Variants in HUS1 observed in about 807,000 individuals in gnomAD.
HUS1 encodes the protein HUS1 checkpoint clamp component.
A neutral mutation model predicts 32.6 loss-of-function variants in HUS1; 31 were observed. That is an observed-to-expected ratio of 0.95 (90% CI 0.72 to 1.28). HUS1 has a LOEUF of 1.28. HUS1 is among the 50% of genes most tolerant of loss of function. The pLI is 0.00. For missense variants in HUS1, 340 were observed against 337.7 expected (o/e 1.01, Z -0.05); for synonymous variants, 123 against 116.6 (o/e 1.06, Z -0.36).
chr7:47,978,612 G>T lies in HUS1; in HGVS notation c.181-19C>A. 5 of 1,613,260 alleles carry T rather than the reference G, an allele frequency of 3.1e-6. No homozygotes were observed. Among genetic ancestry groups the T allele is most frequent in the Non-Finnish European group, 4.2e-6 (5 of 1,179,216 alleles). On this transcript the variant is annotated intron_variant, in intron 2 of 7. Transcript: ENST00000258774. ...AGTTCTCCTAAGGGAAAAAAAATGA[G>T]GGATGAGGGAGGGTATATGTGATCT...
At chr7:47,973,402 G>A (rs1022678466) in intron 5 of HUS1, among the ~76,000 whole-genome samples, 3 of 152,190 alleles carry the variant, frequency 2.0e-5, no homozygotes, top group African/African-American at 7.2e-5. Context: ...GATTCCAGGG[G>A]ATTCACACGC....
At chr7:47,971,610 A>G (rs1200769132) in intron 5 of HUS1, 1 of 454,634 alleles carries the variant, frequency 2.2e-6, no homozygotes, top group African/African-American at 2.0e-5. Flanking sequence ...CTCCTAAAAG[A>G]ACCAGTACCT....
intron 3 of HUS1, among the ~76,000 whole-genome samples, chr7:47,977,974 G>T (rs1788741543): frequency 6.6e-6 from 1 of 152,204 alleles, no homozygotes; most frequent in South Asian, 2.1e-4. Context: ...TTGTGTATTT[G>T]TGTGTTTGGA....
intron 5 of HUS1, 111 bp downstream of exon 5, chr7:47,975,502 G>A: frequency 1.4e-6 from 1 of 713,420 alleles, no homozygotes; most frequent in Non-Finnish European, 2.5e-6. Context: ...TCATAAGTGG[G>A]AACTCGGTTA....
chr7:47,965,284 G>T lies in HUS1; in HGVS notation c.*72C>A. ...CGGTGCTGTGAGGGCACAGACCAGTGATCAGAACACAACACCTGCGGCCTC... is the reference window on the plus strand; with the variant it reads ...CGGTGCTGTGAGGGCACAGACCAGTTATCAGAACACAACACCTGCGGCCTC... On this transcript the variant is annotated 3_prime_UTR_variant, in exon 8 of 8. Transcript: ENST00000258774. 1 of 953,484 alleles carries T rather than the reference G, an allele frequency of 1.0e-6. No homozygotes were observed. The highest frequency in any genetic ancestry group is 2.4e-5 in the East Asian group (1 of 41,758). 59.1% of individuals were successfully genotyped at this position (953,484 alleles called of 1,614,324 possible).
Position 47,970,963 on chromosome 7 carries a change from T to A in HUS1, c.541-1645A>T, listed in dbSNP as rs184210604. On this transcript the variant is annotated intron_variant, in intron 5 of 7. Transcript: ENST00000258774. ...AGGCTTTTAATAACCAAAAAAATCA[T>A]TGGAGAAGTTACAGCATAAACAGTG... 2.0e-4 allele frequency among the ~76,000 whole-genome samples: 30 copies of A among 152,296 alleles called. No homozygotes were observed. In the Middle Eastern group the frequency reaches 0.01, roughly 52 times the overall value.
chr7:47,976,241 A>C (rs1788701294), intron 4 of HUS1: 1 of 412,494 alleles, frequency 2.4e-6, no homozygotes. Flanking sequence ...CTTTCTTCTT[A>C]AACAAATTGT....
Position 47,978,696 on chromosome 7 carries a change from A to G in HUS1, c.173T>C (p.Leu58Pro). 6.2e-7 allele frequency: 1 copy of G among 1,614,162 alleles called. No individual in the cohort carries two copies. The highest frequency in any genetic ancestry group is 8.5e-7 in the Non-Finnish European group (1 of 1,179,998). Reference sequence around the variant, plus strand: ...TCAGAAGCTTTTGCTCACCTGTTCCAGCTCACACCACATGCTCACTCCTCC... The same window carrying G: ...TCAGAAGCTTTTGCTCACCTGTTCCGGCTCACACCACATGCTCACTCCTCC... ...ANGGVSMWCE[L>P]EQENFFNEFQ... The change falls in exon 2 of 8, where the codon CTG becomes CCG. Residue 58 changes from leucine (L) to proline (P), a missense_variant. Physicochemically the swap from Leu to Pro is moderately conservative, Grantham distance 98. Transcript: ENST00000258774.
intron 5 of HUS1, among the ~76,000 whole-genome samples, chr7:47,969,926 T>G (rs1381977495): frequency 6.6e-6 from 1 of 152,098 alleles, no homozygotes; most frequent in African/African-American, 2.4e-5. Flanking sequence ...ACAATGAAAC[T>G]TCCTCCTAAA....
At chr7:47,974,720 A>T (rs1443160359) in intron 5 of HUS1, among the ~76,000 whole-genome samples, 1 of 152,194 alleles carries the variant, frequency 6.6e-6, no homozygotes, top group East Asian at 1.9e-4. Flanking sequence ...GGAAGAATTC[A>T]CAATAACCCC....
intron 5 of HUS1, among the ~76,000 whole-genome samples, chr7:47,970,693 C>A (rs1357611958): frequency 6.6e-6 from 1 of 152,178 alleles, no homozygotes; most frequent in Non-Finnish European, 1.5e-5. Context: ...GGAAAACTGA[C>A]CCCGGATGGT....
chr7:47,963,539 G>A lies in HUS1; in HGVS notation c.*1817C>T, dbSNP rs988116836. On this transcript the variant is annotated 3_prime_UTR_variant, in exon 8 of 8. Transcript: ENST00000258774. ...AATTAATTTCGTTACAATGAGAGGAGGAAGGGTTTAAAAATTAAAACGGTG... is the reference window on the plus strand; with the variant it reads ...AATTAATTTCGTTACAATGAGAGGAAGAAGGGTTTAAAAATTAAAACGGTG... The A allele has an allele frequency of 2.0e-5, 3 of 152,186 alleles. No homozygotes were observed. The highest frequency in any genetic ancestry group is 7.2e-5 in the African/African-American group (3 of 41,434). The allele number at this position is 152,186 out of a possible 1,614,324, so 9.4% of individuals were successfully genotyped here.
At chr7:47,969,391 TCACA>T in intron 5 of HUS1, 73 bp from the exon 6 acceptor site, 1 of 772,662 alleles carries the variant, frequency 1.3e-6, no homozygotes, top group Non-Finnish European at 2.2e-6. Flanking sequence ...GCAACAGCTT[TCACA>T]CAACCAGATG....
At chr7:47,966,781 C>T (rs1029466989) in intron 7 of HUS1, among the ~76,000 whole-genome samples, 4 of 152,184 alleles carry the variant, frequency 2.6e-5, no homozygotes, top group Admixed American at 6.5e-5. Flanking sequence ...AATATGACAT[C>T]GTCCATGTCA....
At position 47,967,756 on chromosome 7, in the gene HUS1, T is replaced by A. The variant is rs532217502; in HGVS notation, c.760+50A>T. The A allele has an allele frequency of 6.4e-6, 10 of 1,550,726 alleles. 1 individual carries two copies. In the South Asian group the frequency reaches 1.1e-4, roughly 17 times the overall value. On this transcript the variant is annotated intron_variant, in intron 7 of 7. Transcript: ENST00000258774. Reference sequence around the variant, plus strand: ...TCTGTTAGACTAGAGTTGACTGCAGTATTTAGAATATGAAAGAATATGAAA... The same window carrying A: ...TCTGTTAGACTAGAGTTGACTGCAGAATTTAGAATATGAAAGAATATGAAA...
intron 6 of HUS1, 61 bp from the exon 7 acceptor site, chr7:47,967,986 T>TA: frequency 1.9e-6 from 3 of 1,541,268 alleles, no homozygotes; most frequent in Non-Finnish European, 2.7e-6. Context: ...AACCTGGAGA[T>TA]ACTCAATGCA....
At chr7:47,970,181 C>T (rs1287297480) in intron 5 of HUS1, among the ~76,000 whole-genome samples, 2 of 131,268 alleles carry the variant, frequency 1.5e-5, no homozygotes, top group African/African-American at 2.9e-5. Context: ...TGCAGTGAGC[C>T]GAGATTGCGC....
chr7:47,975,213 G>A (rs1013823260), intron 5 of HUS1, among the ~76,000 whole-genome samples: 2 of 151,728 alleles, frequency 1.3e-5, no homozygotes, highest in African/African-American at 4.8e-5. Flanking sequence ...AGCTACTCGG[G>A]AGGCTGAGGT....
intron 5 of HUS1, 64 bp downstream of exon 5, chr7:47,975,549 C>A: frequency 9.6e-7 from 1 of 1,045,966 alleles, no homozygotes; most frequent in Non-Finnish European, 1.5e-6. Flanking sequence ...GCAGGGTGAG[C>A]TGGAGAACCC....
Sources: gnomAD v4.1 joint callset for allele counts (sites outside exome capture counted in the v4.1 genomes callset) on GRCh38, gnomAD v4.1.1 for gene constraint, MANE v1.5 for transcripts, NCBI Gene and HGNC (gene_info 2026-07-23, HGNC 2026-07-21) for gene names.